The following PGAP6 variants were observed in gnomAD, a reference collection of about 807,000 sequenced individuals.
The protein encoded by PGAP6 is post-GPI attachment to proteins factor 6.
In PGAP6, 62 loss-of-function variants were observed where a neutral mutation model predicts 68.4. That is an observed-to-expected ratio of 0.91 (90% confidence interval 0.74 to 1.12). PGAP6 has a LOEUF of 1.12. Among genes scored for constraint, PGAP6 ranks in the 50% most tolerant of loss-of-function variants. PGAP6 has a pLI of 0.00. For missense variants in PGAP6, 1,188 were observed against 1,068.5 expected (o/e 1.11, Z -1.56); for synonymous variants, 575 against 474.0 (o/e 1.21, Z -2.77).
intron 1 of PGAP6, among the ~76,000 whole-genome samples, chr16:380,332 C>T (rs1470254549): frequency 2.0e-5 from 3 of 152,036 alleles, no homozygotes; most frequent in African/African-American, 7.2e-5. Flanking sequence ...CGCAGGCTTA[C>T]ATTACCACAC....
intron 1 of PGAP6, among the ~76,000 whole-genome samples, chr16:380,630 G>A (rs978719255): frequency 6.6e-6 from 1 of 152,226 alleles, no homozygotes; most frequent in Non-Finnish European, 1.5e-5. Flanking sequence ...GCCTCCCAAA[G>A]TGCGGGATTG....
chr16:380,932 C>T (rs1280110217), intron 1 of PGAP6, among the ~76,000 whole-genome samples: 1 of 152,234 alleles, frequency 6.6e-6, no homozygotes, highest in Non-Finnish European at 1.5e-5. Flanking sequence ...TCCAGAGTCC[C>T]AGGCCACAGA....
chr16:375,060 A>C (rs1597159557), intron 8 of PGAP6, 73 bp downstream of exon 8: 2 of 1,588,896 alleles, frequency 1.3e-6, no homozygotes, highest in East Asian at 4.5e-5. Flanking sequence ...CGCCAACCTC[A>C]GGCAGCCCGG....
Position 371,804 on chromosome 16 carries a change from T to G in PGAP6, c.*183A>C. ...GGGATCTCAGCAGCGAGCAGGCAGC[T>G]GGCGAGGAGAGGTGCGTGTGAGGGA... On this transcript the variant is annotated 3_prime_UTR_variant, in exon 13 of 13. Coordinates refer to ENST00000431232, the MANE Select transcript of PGAP6 (RefSeq NM_021259.3). 3.3e-6 allele frequency: 2 copies of G among 612,576 alleles called. No homozygotes were observed. The highest frequency in any genetic ancestry group is 2.8e-6 in the Non-Finnish European group (1 of 352,828). 37.9% of individuals were successfully genotyped at this position (612,576 alleles called of 1,614,324 possible).
rs534002282 is a variant in PGAP6, at chr16:379,920, C to T, written c.121+1781G>A. Among the ~76,000 whole-genome samples, 4 of 152,386 alleles carry T rather than the reference C, an allele frequency of 2.6e-5. No homozygotes were observed. In the East Asian group the frequency reaches 5.8e-4, roughly 22 times the overall value. ...ACAGCCCCCTGCCTGCCCCACAGCC[C>T]CTCCACGGACACAGGGCTGGGTGGG... is the stretch of plus-strand genomic sequence containing the variant. On this transcript the variant is annotated intron_variant, in intron 1 of 12. Transcript: ENST00000431232.
At chr16:378,216 C>A (rs2054405184) in intron 1 of PGAP6, among the ~76,000 whole-genome samples, 1 of 149,240 alleles carries the variant, frequency 6.7e-6, no homozygotes, top group African/African-American at 2.5e-5. Context: ...TGACTGCCAT[C>A]GCCACCCTGA....
chr16:381,618 C>T, intron 1 of PGAP6, 83 bp downstream of exon 1: 1 of 1,077,352 alleles, frequency 9.3e-7, no homozygotes, highest in Non-Finnish European at 1.1e-6. Flanking sequence ...GATGAGCGCA[C>T]AGGTGCGCCC....
chr16:385,867 G>A (rs1472842131), upstream of PGAP6, among the ~76,000 whole-genome samples: 1 of 151,780 alleles, frequency 6.6e-6, no homozygotes, highest in Non-Finnish European at 1.5e-5. Flanking sequence ...CTCGTGATCT[G>A]CCCATCTCAG....
intron 1 of PGAP6, 30 bp downstream of exon 1, chr16:381,671 C>A (rs1415380032): frequency 3.3e-6 from 4 of 1,194,748 alleles, no homozygotes; most frequent in African/African-American, 3.2e-5. Flanking sequence ...CGGCCCCACG[C>A]CCCCGATGGC....
At chr16:386,711 CAAAAAAAAAAAAACCA>C, upstream of PGAP6, 2 of 198,206 alleles carry the variant, frequency 1.0e-5, no homozygotes, top group Non-Finnish European at 9.2e-6. Flanking sequence ...CCAGTCTCTA[CAAAAAAAAAAAAACCA>C]AAAAAAAAAA....
At chr16:375,561 C>T (rs2054375187) in intron 6 of PGAP6, 126 bp from the exon 7 acceptor site, 2 of 764,702 alleles carry the variant, frequency 2.6e-6, no homozygotes, top group East Asian at 2.7e-5. Flanking sequence ...GAGATGGAGT[C>T]TTGCTCTGTC....
chr16:378,333 C>G lies in PGAP6; in HGVS notation c.122-485G>C, dbSNP rs796738946. Among the ~76,000 whole-genome samples the G allele has an allele frequency of 5.3e-3, 396 of 75,352 alleles. 1 individual carries two copies. Among genetic ancestry groups the G allele is most frequent in the Middle Eastern group, 6.4e-3 (1 of 156 alleles). 49.4% of individuals were successfully genotyped at this position (75,352 alleles called of 152,430 possible). On this transcript the variant is annotated intron_variant, in intron 1 of 12. Coordinates refer to ENST00000431232, the MANE Select transcript of PGAP6 (RefSeq NM_021259.3). Reference sequence around the variant, plus strand: ...CCACCCGCACTGCCATCGCCACCCGCACTGCCATCGCCACTCTGACTGCCA... The same window carrying G: ...CCACCCGCACTGCCATCGCCACCCGGACTGCCATCGCCACTCTGACTGCCA...
In PGAP6 at chr16:376,670, C is replaced by G. The variant is rs147207812; in HGVS notation, c.778G>C (p.Gly260Arg). Reference protein sequence around the residue: ...SNFQKVLTCTGAPWPCRLLLP... With the variant: ...SNFQKVLTCTRAPWPCRLLLP... ...AGCAGGCGGCAGGGCCAGGGGGCAC[C>G]GGTGCAGGTGAGCACCTTCTGGAAG... Residue 260 changes from glycine to arginine, a missense_variant, in exon 5 of 13, where the codon GGT (glycine) becomes CGT (arginine). By Grantham distance (125) the Gly-to-Arg change is moderately radical (BLOSUM62 -2). Transcript: ENST00000431232. The G allele has an allele frequency of 6.2e-7, 1 of 1,610,200 alleles. No individual in the cohort carries two copies. The highest frequency in any genetic ancestry group is 1.1e-5 in the South Asian group (1 of 90,790).
At chr16:381,623 G>A in intron 1 of PGAP6, 78 bp downstream of exon 1, 3 of 1,094,952 alleles carry the variant, frequency 2.7e-6, no homozygotes, top group Non-Finnish European at 3.4e-6. Flanking sequence ...GCGCACAGGT[G>A]CGCCCGGGGT....
upstream of PGAP6, among the ~76,000 whole-genome samples, chr16:385,513 C>T (rs147708194): frequency 6.8e-5 from 10 of 146,446 alleles, no homozygotes; most frequent in African/African-American, 1.3e-4. Context: ...GGATTTCACC[C>T]TGTTAGCCAG....
intron 11 of PGAP6, among the ~76,000 whole-genome samples, 198 bp downstream of exon 11, chr16:373,807 C>CAGAGGGATTA (rs2054354482): frequency 2.4e-5 from 3 of 123,716 alleles, no homozygotes; most frequent in African/African-American, 6.6e-5. Context: ...CCATGCTCGG[C>CAGAGGGATTA]CAAGGCATTA....
At chr16:374,547 G>A (rs1183184798) in intron 9 of PGAP6, 148 bp from the exon 10 acceptor site, 5 of 1,125,442 alleles carry the variant, frequency 4.4e-6, no homozygotes, top group East Asian at 5.2e-5. Context: ...TCAGGAGGCA[G>A]TACCACCCCC....
At chr16:374,608 G>C (rs1443771510) in intron 9 of PGAP6, 148 bp downstream of exon 9, 6 of 1,199,084 alleles carry the variant, frequency 5.0e-6, no homozygotes, top group Non-Finnish European at 6.9e-6. Flanking sequence ...GTGGGGAATG[G>C]GGGAGTGGGG....
Position 372,074 on chromosome 16 carries a change from G to A in PGAP6, c.2229C>T (p.Pro743=), listed in dbSNP as rs755418654. 43 of 1,612,406 alleles carry A rather than the reference G, an allele frequency of 2.7e-5. No homozygotes were observed. Among genetic ancestry groups the A allele is most frequent in the East Asian group, 4.5e-5 (2 of 44,860 alleles). Reference sequence around the variant, plus strand: ...TCTGCGAGCAGGCCCAGGGCTCGGCGGGCTGGTCAGGTGGCGGCAGCAGCA... The same window carrying A: ...TCTGCGAGCAGGCCCAGGGCTCGGCAGGCTGGTCAGGTGGCGGCAGCAGCA... ...AALLLPPPDQ[P]AEPWACSQKF... The change falls in exon 13 of 13, where the codon CCC becomes CCT. Residue 743 remains proline, a synonymous_variant. Coordinates refer to ENST00000431232, the MANE Select transcript of PGAP6 (RefSeq NM_021259.3).
Sources: allele counts gnomAD v4.1 joint callset (sites outside exome capture counted in the v4.1 genomes callset), GRCh38; gene constraint gnomAD v4.1.1; transcripts MANE v1.5; gene names NCBI Gene and HGNC (gene_info 2026-07-23, HGNC 2026-07-21).